DLGAP2: variants seen among roughly 807,000 people sequenced by gnomAD.
DLGAP2 encodes the protein disks large-associated protein 2.
DLGAP2 carries 26 observed loss-of-function variants against 100.3 expected under a neutral mutation model. The observed-to-expected ratio is 0.26, with a 90% CI of 0.19 to 0.36. DLGAP2 has a LOEUF of 0.36. DLGAP2 is among the 10% of genes least tolerant of loss of function. The pLI is 1.00. For missense variants in DLGAP2, 1,858 were observed against 1,453.2 expected (o/e 1.28, Z -4.53); for synonymous variants, 886 against 630.1 (o/e 1.41, Z -6.08).
intron 2 of DLGAP2, among the ~76,000 whole-genome samples, chr8:1,049,470 A>G (rs1051330038): frequency 6.6e-6 from 1 of 152,054 alleles, no homozygotes; most frequent in Non-Finnish European, 1.5e-5. Flanking sequence ...TCACACGGGA[A>G]TACAATTTAC....
chr8:752,615 A>G (rs1820820277), intron 1 of DLGAP2, among the ~76,000 whole-genome samples: 1 of 152,166 alleles, frequency 6.6e-6, no homozygotes, highest in Non-Finnish European at 1.5e-5. Context: ...GTCCTTGCTG[A>G]GCACAGTGGG....
intron 2 of DLGAP2, among the ~76,000 whole-genome samples, chr8:1,143,676 A>G (rs571362113): frequency 1.2e-4 from 18 of 152,164 alleles, no homozygotes; most frequent in Non-Finnish European, 1.6e-4. Context: ...GCTCCCCACT[A>G]TTTGGCCCAC....
intron 3 of DLGAP2, among the ~76,000 whole-genome samples, chr8:1,498,689 A>G (rs1254993620): frequency 2.0e-5 from 3 of 152,196 alleles, no homozygotes; most frequent in African/African-American, 7.2e-5. Context: ...ATTTATAACA[A>G]TCTACTTTAA....
rs567939958 is a variant in DLGAP2, at chr8:1,257,271, C to G, written c.74-1580C>G. 3.9e-4 allele frequency among the ~76,000 whole-genome samples: 59 copies of G among 152,320 alleles called. 1 individual carries two copies. Among genetic ancestry groups the G allele is most frequent in the African/African-American group, 1.3e-3 (56 of 41,574 alleles). On this transcript the variant is annotated intron_variant, in intron 2 of 14. Transcript: ENST00000637795. ...AGGTGAGCTCCGTCCCCGCCCCGCC[C>G]AGCCACCAAGGTCACCTTCCGAAGG...
At position 1,511,936 on chromosome 8, in the gene DLGAP2, GC is replaced by G. The variant is rs1445325342; in HGVS notation, c.172+10506del. Among the ~76,000 whole-genome samples, 5 of 152,234 alleles carry G rather than the reference GC, an allele frequency of 3.3e-5. No individual in the cohort carries two copies. In the East Asian group the frequency reaches 9.6e-4, roughly 29 times the overall value. ...CTTATCAGAGCCTGACAAAAAGCGT[GC>G]GTGTTTTATGTGCACTTTCTACCAC... is the stretch of plus-strand genomic sequence containing the variant. On this transcript the variant is annotated intron_variant, in intron 4 of 14. Transcript: ENST00000637795.
At chr8:1,286,803 A>C (rs1452186413) in intron 3 of DLGAP2, among the ~76,000 whole-genome samples, 2 of 152,140 alleles carry the variant, frequency 1.3e-5, no homozygotes, top group Non-Finnish European at 2.9e-5. Flanking sequence ...ATTCAACTCA[A>C]CTCCTGTGGA....
At position 1,327,302 on chromosome 8, in the gene DLGAP2, C is replaced by A. The variant is rs114976619; in HGVS notation, c.106+68419C>A. Among the ~76,000 whole-genome samples the A allele has an allele frequency of 3.5e-3, 536 of 152,370 alleles. 3 individuals are homozygous for A. Among genetic ancestry groups the A allele is most frequent in the African/African-American group, 0.013 (520 of 41,586 alleles). ...GGGCCCACCCTCCACTGCACAGCCTCAGAGCTCCACACCTGTGGCTCCACG... is the reference window on the plus strand; with the variant it reads ...GGGCCCACCCTCCACTGCACAGCCTAAGAGCTCCACACCTGTGGCTCCACG... On this transcript the variant is annotated intron_variant, in intron 3 of 14. Coordinates refer to ENST00000637795, the MANE Select transcript of DLGAP2 (RefSeq NM_001346810.2).
At chr8:1,087,069 A>T (rs1263071256) in intron 2 of DLGAP2, among the ~76,000 whole-genome samples, 1 of 152,220 alleles carries the variant, frequency 6.6e-6, no homozygotes, top group African/African-American at 2.4e-5. Context: ...TTCTGACCAC[A>T]ATGATATGAA....
intron 3 of DLGAP2, among the ~76,000 whole-genome samples, chr8:1,288,349 G>A (rs1384906783): frequency 1.3e-4 from 19 of 147,144 alleles, no homozygotes; most frequent in Middle Eastern, 7.1e-3. Context: ...GTGTGTGTAT[G>A]TAGTTGTTAG....
intron 3 of DLGAP2, among the ~76,000 whole-genome samples, chr8:1,290,130 C>G (rs1800025566): frequency 6.6e-6 from 1 of 152,162 alleles, no homozygotes; most frequent in African/African-American, 2.4e-5. Flanking sequence ...AGAAGAGGCT[C>G]TGACTCTATT....
chr8:1,594,196 G>A (rs970516756), intron 6 of DLGAP2, among the ~76,000 whole-genome samples: 6 of 151,996 alleles, frequency 3.9e-5, no homozygotes, highest in South Asian at 2.1e-4. Context: ...GCACCAGTGC[G>A]GAAAGTCAAG....
intron 3 of DLGAP2, among the ~76,000 whole-genome samples, chr8:1,361,228 C>A (rs532449705): frequency 6.6e-6 from 1 of 152,188 alleles, no homozygotes; most frequent in Non-Finnish European, 1.5e-5. Flanking sequence ...ATGGTCCCTG[C>A]GGCAAGGTGA....
chr8:1,365,086 C>A (rs758094353), intron 3 of DLGAP2, among the ~76,000 whole-genome samples: 1 of 152,118 alleles, frequency 6.6e-6, no homozygotes, highest in South Asian at 2.1e-4. Flanking sequence ...CGCAAGGACA[C>A]GTTTTTATAA....
intron 3 of DLGAP2, among the ~76,000 whole-genome samples, chr8:1,388,524 G>T (rs112797902): frequency 2.1e-4 from 12 of 57,964 alleles, no homozygotes; most frequent in South Asian, 8.4e-4. Context: ...ATGAGGAGGC[G>T]CTGGTTCAGG....
chr8:908,396 G>A (rs891113162), intron 2 of DLGAP2, among the ~76,000 whole-genome samples: 1 of 152,136 alleles, frequency 6.6e-6, no homozygotes, highest in Non-Finnish European at 1.5e-5. Context: ...GGTGGGAATC[G>A]GCTAGATGTT....
At chr8:825,332 T>C (rs1796666554) in intron 1 of DLGAP2, among the ~76,000 whole-genome samples, 1 of 152,224 alleles carries the variant, frequency 6.6e-6, no homozygotes, top group Admixed American at 6.5e-5. Flanking sequence ...ACCTTTAGGA[T>C]GAACAGGCAC....
chr8:1,459,131 C>T (rs1245584474), intron 3 of DLGAP2, among the ~76,000 whole-genome samples: 1 of 134,008 alleles, frequency 7.5e-6, no homozygotes, highest in Admixed American at 7.6e-5. Flanking sequence ...TGCGTAGACG[C>T]CAGGGGTCAC....
At chr8:1,470,875 TCCATCCTTTCCC>T (rs1280831654) in intron 3 of DLGAP2, among the ~76,000 whole-genome samples, 4 of 14,716 alleles carry the variant, frequency 2.7e-4, no homozygotes, top group South Asian at 3.8e-3. Context: ...TCCCGACCCC[TCCATCCTTTCCC>T]GACCCCTCCA....
At chr8:1,109,108 C>T (rs1483702454) in intron 2 of DLGAP2, among the ~76,000 whole-genome samples, 1 of 132,886 alleles carries the variant, frequency 7.5e-6, no homozygotes, top group Non-Finnish European at 1.6e-5. Flanking sequence ...GTGCACGGGT[C>T]TGTGAGGTGT....
Sources: gnomAD v4.1 joint callset for allele counts (sites outside exome capture counted in the v4.1 genomes callset) on GRCh38, gnomAD v4.1.1 for gene constraint, MANE v1.5 for transcripts, NCBI Gene and HGNC (gene_info 2026-07-23, HGNC 2026-07-21) for gene names.